The following DNAH17 variants were observed in gnomAD, a reference collection of about 807,000 sequenced individuals.
DNAH17 encodes the protein axonemal beta dynein heavy chain 17.
In DNAH17, 376 loss-of-function variants were observed where a neutral mutation model predicts 485.6. The observed-to-expected ratio is 0.77, with a 90% CI of 0.71 to 0.84. The LOEUF is 0.84. Among genes scored for constraint, DNAH17 ranks in the 40% least tolerant of loss-of-function variants. The pLI is 0.00. For synonymous variants in DNAH17, 3,031 were observed against 2,405.9 expected (o/e 1.26, Z -7.60); for missense variants, 6,370 against 5,839.3 (o/e 1.09, Z -2.96).
intron 54 of DNAH17, among the ~76,000 whole-genome samples, chr17:78,473,906 G>T (rs576065626): frequency 6.6e-6 from 1 of 152,104 alleles, no homozygotes; most frequent in African/African-American, 2.4e-5. Flanking sequence ...CATCAGATGC[G>T]CTGAGAACCC....
intron 24 of DNAH17, 84 bp from the exon 25 acceptor site, chr17:78,525,245 C>A: frequency 6.5e-7 from 1 of 1,527,474 alleles, no homozygotes; most frequent in Non-Finnish European, 8.8e-7. Context: ...GCCCGTCTCT[C>A]CAGTGTGCCC....
chr17:78,530,309 C>A (rs777079061), intron 21 of DNAH17, 34 bp downstream of exon 21: 3 of 1,574,990 alleles, frequency 1.9e-6, no homozygotes, highest in South Asian at 1.1e-5. Context: ...CTGCACATTC[C>A]TTGGGCTCCC....
At chr17:78,496,159 A>T in intron 37 of DNAH17, 127 bp from the exon 38 acceptor site, 1 of 1,035,288 alleles carries the variant, frequency 9.7e-7, no homozygotes, top group South Asian at 1.9e-5. Context: ...CTCCTAGTTT[A>T]TTTTTTAAAT....
At chr17:78,488,838 C>T (rs936835791) in intron 44 of DNAH17, among the ~76,000 whole-genome samples, 3 of 151,992 alleles carry the variant, frequency 2.0e-5, no homozygotes, top group Non-Finnish European at 2.9e-5. Flanking sequence ...GAGACAGAGG[C>T]GGAGATGGGA....
rs142069633 is a variant in DNAH17 at position 78,458,599 on chromosome 17, C to T, written c.9943G>A (p.Asp3315Asn). ...AGTAAGATCACCCTGTTCGTGGCAT[C>T]GGCCTCTTGCTGACACTTGATTTTC... ...AEKIKCQQEA[D>N]ATNRVILLAN... The change falls in exon 62 of 81, where the codon GAT (aspartate) becomes AAT (asparagine). Residue 3315 changes from aspartate to asparagine, a missense_variant. Physicochemically the swap from Asp to Asn is conservative, Grantham distance 23. Transcript: ENST00000389840. 9.3e-6 allele frequency: 15 copies of T among 1,613,864 alleles called. No individual in the cohort carries two copies. The highest frequency in any genetic ancestry group is 6.7e-5 in the African/African-American group (5 of 74,930).
At chr17:78,573,760 T>G (rs952440992) in intron 2 of DNAH17, among the ~76,000 whole-genome samples, 1 of 151,954 alleles carries the variant, frequency 6.6e-6, no homozygotes, top group Non-Finnish European at 1.5e-5. Flanking sequence ...AGAGAGGCCT[T>G]GGGGAAAACC....
rs1342146780 is a variant in DNAH17 at position 78,492,751 on chromosome 17, G to A, written c.6423C>T (p.Leu2141=). Reference sequence around the variant, plus strand: ...TCTTCAGGTTCTGATAGGTCTTGTTGAGGGATTTGAGGACCTGGCGAAGGT... The same window carrying A: ...TCTTCAGGTTCTGATAGGTCTTGTTAAGGGATTTGAGGACCTGGCGAAGGT... ...GSGKSQVLKS[L]NKTYQNLKRK... Residue 2141 remains leucine, a synonymous_variant, in exon 42 of 81, where the codon CTC becomes CTT. Transcript: ENST00000389840. 5.0e-6 allele frequency: 8 copies of A among 1,611,804 alleles called. No individual in the cohort carries two copies. Among genetic ancestry groups the A allele is most frequent in the East Asian group, 2.2e-5 (1 of 44,828 alleles).
intron 25 of DNAH17, among the ~76,000 whole-genome samples, chr17:78,519,316 A>C (rs745370829): frequency 1.3e-4 from 20 of 152,298 alleles, no homozygotes; most frequent in African/African-American, 4.1e-4. Context: ...GTAGAGAGGG[A>C]AATTTTATAG....
At chr17:78,556,050 C>T (rs1453370582) in intron 14 of DNAH17, among the ~76,000 whole-genome samples, 2 of 152,186 alleles carry the variant, frequency 1.3e-5, no homozygotes, top group Non-Finnish European at 2.9e-5. Context: ...TGAGGCAATT[C>T]CTCACAATAA....
intron 26 of DNAH17, among the ~76,000 whole-genome samples, chr17:78,511,934 G>C (rs937343396): frequency 6.6e-6 from 1 of 152,252 alleles, no homozygotes; most frequent in African/African-American, 2.4e-5. Context: ...CCCAGGGGCT[G>C]GCTCCCAGAC....
chr17:78,468,942 T>A, intron 54 of DNAH17, 59 bp from the exon 55 acceptor site: 2 of 1,561,278 alleles, frequency 1.3e-6, no homozygotes, highest in South Asian at 2.4e-5. Context: ...ATTAGAGACA[T>A]CCTCCACAAC....
In DNAH17 at chr17:78,507,265, G is replaced by A; in HGVS notation, c.4676+13C>T. On this transcript the variant is annotated intron_variant, in intron 29 of 80. Coordinates refer to ENST00000389840, the MANE Select transcript of DNAH17 (RefSeq NM_173628.4). The stretch of plus-strand genomic sequence containing the variant: ...CCACTGACTCCCCTGGTCTGGATAG[G>A]TGTGAGCCGCACCTCTTCTTCAGGG... 2.5e-6 allele frequency: 4 copies of A among 1,613,764 alleles called. No homozygotes were observed. The highest frequency in any genetic ancestry group is 8.5e-7 in the Non-Finnish European group (1 of 1,179,804).
intron 76 of DNAH17, 52 bp downstream of exon 76, chr17:78,429,069 G>A (rs1388639940): frequency 1.3e-6 from 2 of 1,570,988 alleles, no homozygotes; most frequent in Admixed American, 1.7e-5. Context: ...GCTCTCACCG[G>A]GAGGCACGAG....
At chr17:78,542,520 G>A (rs980792898) in intron 17 of DNAH17, among the ~76,000 whole-genome samples, 2 of 152,182 alleles carry the variant, frequency 1.3e-5, no homozygotes, top group East Asian at 3.9e-4. Flanking sequence ...ATTCTCCTCA[G>A]AGACAAACTA....
At chr17:78,471,919 A>G (rs975654699) in intron 54 of DNAH17, among the ~76,000 whole-genome samples, 4 of 152,018 alleles carry the variant, frequency 2.6e-5, no homozygotes, top group African/African-American at 4.8e-5. Context: ...CCTCATCCCC[A>G]GGTATCTCAT....
intron 26 of DNAH17, among the ~76,000 whole-genome samples, chr17:78,511,677 T>C (rs1484446485): frequency 6.6e-6 from 1 of 152,258 alleles, no homozygotes. Flanking sequence ...CAGATGTTTC[T>C]GAGCATTGAT....
Position 78,454,545 on chromosome 17 carries a change from G to A in DNAH17, c.10331C>T (p.Ala3444Val), listed in dbSNP as rs553029796. Residue 3444 changes from alanine to valine, a missense_variant, in exon 64 of 81, where the codon GCC becomes GTC. Coordinates refer to ENST00000389840, the MANE Select transcript of DNAH17 (RefSeq NM_173628.4). ...NTERWPLIVD[A>V]QLQGIKWIKN... ...GATCCACTTGATTCCTTGGAGCTGG[G>A]CGTCCACGATCAGCGGCCACCGCTC... 1.9e-6 allele frequency: 3 copies of A among 1,613,060 alleles called. No individual in the cohort carries two copies. The highest frequency in any genetic ancestry group is 1.6e-4 in the Middle Eastern group (1 of 6,084).
chr17:78,555,260 A>G (rs533800751), intron 14 of DNAH17, among the ~76,000 whole-genome samples: 1 of 151,672 alleles, frequency 6.6e-6, no homozygotes, highest in East Asian at 1.9e-4. Context: ...TTAAACAATG[A>G]CAAGGACAGT....
chr17:78,461,313 G>A (rs1598489264), intron 58 of DNAH17, among the ~76,000 whole-genome samples: 2 of 152,228 alleles, frequency 1.3e-5, no homozygotes, highest in Admixed American at 1.3e-4. Flanking sequence ...GCTGAACATG[G>A]AGGAGCTCGG....
Sources: allele counts gnomAD v4.1 joint callset (sites outside exome capture counted in the v4.1 genomes callset), GRCh38; gene constraint gnomAD v4.1.1; transcripts MANE v1.5; gene names NCBI Gene and HGNC (gene_info 2026-07-23, HGNC 2026-07-21).